The following CNTN5 variants were observed in gnomAD, a reference collection of about 807,000 sequenced individuals.
CNTN5 encodes the protein contactin-5.
Under a neutral mutation model 129.1 loss-of-function variants are expected in CNTN5, and 77 were observed. That is an observed-to-expected ratio of 0.60 (90% CI 0.50 to 0.72). The LOEUF (loss-of-function observed/expected upper bound fraction) is 0.72, where lower values mean the gene tolerates loss of function less well. CNTN5 is among the 30% of genes least tolerant of loss of function. CNTN5 has a pLI of 0.00. For missense variants in CNTN5, 1,478 were observed against 1,328.8 expected (o/e 1.11, Z -1.75); for synonymous variants, 509 against 465.6 (o/e 1.09, Z -1.20).
At position 99,805,662 on chromosome 11, in the gene CNTN5, C is replaced by T. The variant is rs192520284; in HGVS notation, c.56-13882C>T. The stretch of plus-strand genomic sequence containing the variant: ...TTCAATATGATATAATTAAACATTA[C>T]GGGAAAGAATGAATTAGGGTTCTTT... On this transcript the variant is annotated intron_variant, in intron 3 of 24. Transcript: ENST00000524871. Among the ~76,000 whole-genome samples the T allele has an allele frequency of 1.5e-3, 222 of 152,128 alleles. 1 individual carries two copies. The highest frequency in any genetic ancestry group is 2.7e-3 in the Non-Finnish European group (185 of 67,996).
intron 1 of CNTN5, among the ~76,000 whole-genome samples, chr11:99,164,222 A>G (rs1860765319): frequency 6.6e-6 from 1 of 151,698 alleles, no homozygotes; most frequent in Non-Finnish European, 1.5e-5. Context: ...GCTAATCAGG[A>G]AGCTGAGGCA....
In CNTN5 at chr11:99,585,002, A is replaced by G. The variant is rs574012481; in HGVS notation, c.55+28733A>G. ...TAAAATTTTTGAAGACTTGTATCCA[A>G]CTTCATGAGCTAGACCATTTCCCAA... is the stretch of plus-strand genomic sequence containing the variant. On this transcript the variant is annotated intron_variant, in intron 3 of 24. Coordinates refer to ENST00000524871, the MANE Select transcript of CNTN5 (RefSeq NM_014361.4). Among the ~76,000 whole-genome samples the G allele has an allele frequency of 2.0e-5, 3 of 152,334 alleles. No individual in the cohort carries two copies. In the South Asian group the frequency reaches 6.2e-4, roughly 32 times the overall value.
intron 1 of CNTN5, among the ~76,000 whole-genome samples, chr11:99,153,225 C>A (rs1860159831): frequency 6.6e-6 from 1 of 152,124 alleles, no homozygotes; most frequent in Admixed American, 6.5e-5. Context: ...TGAATGATAT[C>A]CCGAAACATA....
intron 2 of CNTN5, among the ~76,000 whole-genome samples, chr11:99,433,365 A>AG (rs1291712577): frequency 2.2e-5 from 1 of 45,584 alleles, no homozygotes; most frequent in African/African-American, 5.8e-5. Context: ...ATCTGGTAAA[A>AG]AAAAAATGTG....
intron 1 of CNTN5, among the ~76,000 whole-genome samples, chr11:99,281,870 A>T (rs1863713067): frequency 6.6e-6 from 1 of 151,918 alleles, no homozygotes; most frequent in Admixed American, 6.6e-5. Context: ...AGATTGAAGG[A>T]TTTTCTTGCA....
intron 8 of CNTN5, among the ~76,000 whole-genome samples, chr11:99,958,858 G>A (rs116299058): frequency 6.6e-6 from 1 of 151,914 alleles, no homozygotes. Context: ...CTTTATATTT[G>A]AATAGTGCCT....
chr11:99,318,183 CTT>C lies in CNTN5; in HGVS notation c.-209-7161_-209-7160del, dbSNP rs371115837. Among the ~76,000 whole-genome samples, 9 of 152,266 alleles carry C rather than the reference CTT, an allele frequency of 5.9e-5. No individual in the cohort carries two copies. The East Asian group carries it at 1.5e-3, about 26-fold the overall frequency. ...AGAGAAATAAGTGTTCTATTGATAA[CTT>C]TAAGTAAATAAAGCCAAAAGGACAG... On this transcript the variant is annotated intron_variant, in intron 1 of 24. Transcript: ENST00000524871.
intron 13 of CNTN5, among the ~76,000 whole-genome samples, chr11:100,182,970 A>C (rs576535410): frequency 6.6e-6 from 1 of 152,290 alleles, no homozygotes; most frequent in Non-Finnish European, 1.5e-5. Context: ...ATATTTGAAC[A>C]ATTAGCTCAC....
intron 16 of CNTN5, among the ~76,000 whole-genome samples, chr11:100,242,220 G>A (rs1321893361): frequency 1.3e-5 from 2 of 152,052 alleles, no homozygotes; most frequent in Admixed American, 1.3e-4. Flanking sequence ...TTCTCTGCCT[G>A]GAAAACTCTT....
At position 99,224,657 on chromosome 11, in the gene CNTN5, A is replaced by ATTTTTTTT. The variant is rs3082693; in HGVS notation, c.-209-100676_-209-100669dup. 6.9e-3 allele frequency among the ~76,000 whole-genome samples: 756 copies of ATTTTTTTT among 108,916 alleles called. 33 individuals carry two copies. The highest frequency in any genetic ancestry group is 9.6e-3 in the Non-Finnish European group (546 of 57,082). The allele number at this position is 108,916 out of a possible 152,430, so 71.5% of individuals were successfully genotyped here. A position where few individuals can be genotyped will look rare whatever the true frequency, so the allele number is the denominator to read the frequency against. ...AAAGAGTCTCGTCTCCCAAGGTTGCATTTTTTTTTTTTTTTTTTTTGAGAC... is the reference window on the plus strand; with the variant it reads ...AAAGAGTCTCGTCTCCCAAGGTTGCATTTTTTTTTTTTTTTTTTTTTTTTTTTTGAGAC... On this transcript the variant is annotated intron_variant, in intron 1 of 24. Coordinates refer to ENST00000524871, the MANE Select transcript of CNTN5 (RefSeq NM_014361.4).
intron 1 of CNTN5, among the ~76,000 whole-genome samples, chr11:99,169,370 ATATG>A (rs1463741066): frequency 7.8e-6 from 1 of 128,478 alleles, no homozygotes; most frequent in Non-Finnish European, 1.7e-5. Flanking sequence ...GCAATAAGCT[ATATG>A]TGTGTGTGTG....
chr11:100,192,602 C>T (rs567798824), intron 14 of CNTN5, among the ~76,000 whole-genome samples: 5 of 152,020 alleles, frequency 3.3e-5, no homozygotes, highest in Admixed American at 3.3e-4. Context: ...TATCTATGAC[C>T]AGGAATCTAA....
At chr11:99,845,293 A>ATG (rs766386086) in intron 6 of CNTN5, 31 bp downstream of exon 6, 1 of 1,393,032 alleles carries the variant, frequency 7.2e-7, no homozygotes, top group Non-Finnish European at 9.9e-7. Flanking sequence ...TTCTATATAT[A>ATG]TGTATATAGT....
intron 1 of CNTN5, among the ~76,000 whole-genome samples, chr11:99,035,378 T>C (rs1863661486): frequency 6.6e-6 from 1 of 152,094 alleles, no homozygotes; most frequent in Non-Finnish European, 1.5e-5. Flanking sequence ...GGTGTTAAAG[T>C]CTCCCACTGT....
chr11:99,393,261 A>G (rs1156373142), intron 2 of CNTN5, among the ~76,000 whole-genome samples: 1 of 151,828 alleles, frequency 6.6e-6, no homozygotes, highest in Non-Finnish European at 1.5e-5. Context: ...GTGTTGCAGC[A>G]ATATACTGGA....
chr11:99,591,164 G>GC (rs1465459843), intron 3 of CNTN5, among the ~76,000 whole-genome samples: 1 of 151,812 alleles, frequency 6.6e-6, no homozygotes, highest in Admixed American at 6.6e-5. Flanking sequence ...TTTATCTTAG[G>GC]CCCGTGTATC....
intron 12 of CNTN5, among the ~76,000 whole-genome samples, chr11:100,073,650 A>C (rs1332699929): frequency 6.6e-6 from 1 of 151,928 alleles, no homozygotes; most frequent in African/African-American, 2.4e-5. Flanking sequence ...CAAATAATTC[A>C]ATTTTAAAAA....
intron 3 of CNTN5, among the ~76,000 whole-genome samples, chr11:99,562,228 TAACTG>T (rs1271440443): frequency 6.6e-6 from 1 of 152,190 alleles, no homozygotes; most frequent in Non-Finnish European, 1.5e-5. Context: ...CATCTTATCT[TAACTG>T]AGCCTTCCTT....
intron 7 of CNTN5, among the ~76,000 whole-genome samples, chr11:99,932,464 A>T (rs542021232): frequency 5.5e-4 from 83 of 152,274 alleles, no homozygotes; most frequent in African/African-American, 1.9e-3. Context: ...AAGTGCTGGG[A>T]TTACAGGCAT....
Sources: allele counts gnomAD v4.1 joint callset (sites outside exome capture counted in the v4.1 genomes callset), GRCh38; gene constraint gnomAD v4.1.1; transcripts MANE v1.5; gene names NCBI Gene and HGNC (gene_info 2026-07-23, HGNC 2026-07-21).